Variants in TBC1D9 observed in about 807,000 individuals in gnomAD.
TBC1D9 encodes the protein TBC1 domain family member 9.
A neutral mutation model predicts 132.0 loss-of-function variants in TBC1D9; 63 were observed. The observed-to-expected ratio is 0.48, with a 90% CI of 0.39 to 0.59. The LOEUF (loss-of-function observed/expected upper bound fraction) is 0.59. Ranked by LOEUF, TBC1D9 falls within the 20% of genes least tolerant of loss-of-function variation. The probability of loss-of-function intolerance (pLI) is 0.00; values close to 1 mark genes in which losing one functional copy is unlikely to be tolerated. For missense variants in TBC1D9, 1,261 were observed against 1,592.7 expected, an observed-to-expected ratio of 0.79 and a Z score of 3.54; for synonymous variants, 610 against 609.9, an observed-to-expected ratio of 1.00 and a Z score of 0.00.
At chr4:140,655,064 C>T (rs1737244629) in intron 13 of TBC1D9, among the ~76,000 whole-genome samples, 1 of 151,936 alleles carries the variant, frequency 6.6e-6, no homozygotes, top group Non-Finnish European at 1.5e-5. Flanking sequence ...AGGGAATGCT[C>T]ATGGTATACA....
chr4:140,643,150 T>C, intron 13 of TBC1D9: 1 of 1,439,772 alleles, frequency 6.9e-7, no homozygotes, highest in South Asian at 1.2e-5. Context: ...AGCACCTCCC[T>C]CAGCATGTGG....
intron 1 of TBC1D9, among the ~76,000 whole-genome samples, chr4:140,704,616 C>T (rs1738123539): frequency 6.6e-6 from 1 of 152,064 alleles, no homozygotes; most frequent in African/African-American, 2.4e-5. Flanking sequence ...GCCACTTCCT[C>T]CTGGAGCCTC....
intron 17 of TBC1D9, among the ~76,000 whole-genome samples, 192 bp from the exon 18 acceptor site, chr4:140,627,719 C>G (rs1736730606): frequency 1.3e-5 from 2 of 152,176 alleles, no homozygotes. Context: ...CTCCACCTTC[C>G]CTTTTAACAA....
At chr4:140,729,704 C>T (rs996598933) in intron 1 of TBC1D9, among the ~76,000 whole-genome samples, 1 of 150,874 alleles carries the variant, frequency 6.6e-6, no homozygotes, top group East Asian at 2.0e-4. Context: ...CCTGTAGTCC[C>T]AGCTACTCAG....
intron 1 of TBC1D9, among the ~76,000 whole-genome samples, chr4:140,744,761 T>C (rs1578865220): frequency 6.6e-6 from 1 of 151,802 alleles, no homozygotes; most frequent in East Asian, 1.9e-4. Flanking sequence ...CACACACCTG[T>C]AGTCCCAGCT....
intron 1 of TBC1D9, 138 bp downstream of exon 1, chr4:140,755,778 G>A: frequency 7.7e-7 from 1 of 1,303,408 alleles, no homozygotes; most frequent in Non-Finnish European, 9.9e-7. Flanking sequence ...GACTCTCGAT[G>A]CCTCGCATAC....
intron 1 of TBC1D9, among the ~76,000 whole-genome samples, chr4:140,739,583 G>A (rs1044830168): frequency 2.0e-5 from 3 of 152,132 alleles, no homozygotes; most frequent in Non-Finnish European, 4.4e-5. Context: ...TTCTCAGCAG[G>A]ATGCCTGAAT....
chr4:140,704,243 C>CA (rs1210027597), intron 1 of TBC1D9, among the ~76,000 whole-genome samples: 10 of 150,868 alleles, frequency 6.6e-5, no homozygotes, highest in Admixed American at 4.0e-4. Flanking sequence ...ATTAAAAATC[C>CA]AAAAAAAATT....
chr4:140,727,833 T>A (rs936790614), intron 1 of TBC1D9, among the ~76,000 whole-genome samples: 1 of 152,008 alleles, frequency 6.6e-6, no homozygotes, highest in African/African-American at 2.4e-5. Context: ...GGGAATGGCA[T>A]AACACCCATC....
intron 15 of TBC1D9, among the ~76,000 whole-genome samples, chr4:140,636,401 A>C (rs1268671568): frequency 6.6e-6 from 1 of 152,100 alleles, no homozygotes; most frequent in Non-Finnish European, 1.5e-5. Context: ...TCCTTAAAAA[A>C]AAAATTTAAG....
chr4:140,691,317 G>A (rs146001154), intron 2 of TBC1D9, among the ~76,000 whole-genome samples: 5 of 152,298 alleles, frequency 3.3e-5, no homozygotes, highest in African/African-American at 1.2e-4. Flanking sequence ...CAAAGGAAAC[G>A]TGTTTGAATC....
chr4:140,729,232 C>T (rs907816329), intron 1 of TBC1D9, among the ~76,000 whole-genome samples: 3 of 151,996 alleles, frequency 2.0e-5, no homozygotes, highest in Non-Finnish European at 2.9e-5. Context: ...TGAAGCTCTA[C>T]GTAAAAGTAA....
At chr4:140,724,333 T>A (rs1178762510) in intron 1 of TBC1D9, among the ~76,000 whole-genome samples, 1 of 152,192 alleles carries the variant, frequency 6.6e-6, no homozygotes, top group Admixed American at 6.5e-5. Context: ...TATAGCTTTG[T>A]CCAGCACCAG....
chr4:140,644,319 TG>T, intron 13 of TBC1D9: 1 of 265,236 alleles, frequency 3.8e-6, no homozygotes. Flanking sequence ...CAGCAGGGAG[TG>T]GGGAGGCAGG....
intron 13 of TBC1D9, chr4:140,644,932 T>C (rs1737078952): frequency 4.4e-6 from 2 of 449,766 alleles, no homozygotes; most frequent in East Asian, 6.1e-5. Context: ...GCAGGGGCCA[T>C]GCCCTAGTGC....
intron 1 of TBC1D9, among the ~76,000 whole-genome samples, chr4:140,732,847 C>T (rs1738615882): frequency 6.6e-6 from 1 of 152,110 alleles, no homozygotes; most frequent in Non-Finnish European, 1.5e-5. Context: ...ATGAAAATTC[C>T]TATTGATACA....
At chr4:140,736,074 G>A (rs915495195) in intron 1 of TBC1D9, among the ~76,000 whole-genome samples, 5 of 152,108 alleles carry the variant, frequency 3.3e-5, no homozygotes, top group Admixed American at 3.3e-4. Flanking sequence ...ACAAATTTAT[G>A]AGTCATTTAC....
intron 2 of TBC1D9, among the ~76,000 whole-genome samples, chr4:140,687,153 A>C (rs571823188): frequency 1.4e-4 from 21 of 151,634 alleles, no homozygotes; most frequent in Admixed American, 1.1e-3. Flanking sequence ...AGTATATGTA[A>C]TCACTACTCT....
intron 13 of TBC1D9, chr4:140,643,137 T>C: frequency 1.4e-6 from 2 of 1,431,138 alleles, no homozygotes; most frequent in Non-Finnish European, 1.9e-6. Context: ...CACGGGCCCA[T>C]CCAGCACCTC....
Sources: gnomAD v4.1 joint callset for allele counts (sites outside exome capture counted in the v4.1 genomes callset) on GRCh38, gnomAD v4.1.1 for gene constraint, MANE v1.5 for transcripts, NCBI Gene and HGNC (gene_info 2026-07-23, HGNC 2026-07-21) for gene names.